Variants in FOXP1 observed in about 807,000 individuals in gnomAD.
FOXP1 encodes forkhead box P1, also known as forkhead box protein P1.
In FOXP1, 15 loss-of-function variants were observed where a neutral mutation model predicts 98.2. The ratio of observed to expected loss-of-function variants is 0.15; its 90% CI spans 0.10 to 0.24. The LOEUF (loss-of-function observed/expected upper bound fraction) is 0.24. Among genes scored for constraint, FOXP1 ranks in the 10% least tolerant of loss-of-function variants. The pLI, the probability that FOXP1 is intolerant of heterozygous loss-of-function variation, is 1.00. For missense variants in FOXP1, 633 were observed against 848.5 expected (o/e 0.75, Z 3.15); for synonymous variants, 371 against 314.5 (o/e 1.18, Z -1.90).
chr3:71,510,710 C>T (rs1305588951), intron 2 of FOXP1, among the ~76,000 whole-genome samples: 2 of 152,174 alleles, frequency 1.3e-5, no homozygotes, highest in Non-Finnish European at 2.9e-5. Flanking sequence ...TCTGTCCAAT[C>T]GAGTCAGCAG....
chr3:70,965,926 C>T lies in FOXP1; in HGVS notation c.1853G>A (p.Ser618Asn). The change falls in exon 20 of 21, where the codon AGT (serine) becomes AAT (asparagine). Residue 618 changes from serine (S) to asparagine (N), a missense_variant. By Grantham distance (46) the Ser-to-Asn change is conservative. Around this residue, in one of 6 missense-constraint regions of FOXP1, gnomAD observed 150 missense variants for 163.7 expected, o/e 0.92. Coordinates refer to ENST00000649528, the MANE Select transcript of FOXP1 (RefSeq NM_001349338.3). The part of the protein sequence containing the change: ...GAMEHTNSNE[S>N]DSSPGRSPMQ... ...AGGAGATCTGCCTGGACTGCTGTCA[C>T]TCTCGTTGCTGTTGGTATGCTCCAT... The T allele has an allele frequency of 1.2e-6, 2 of 1,614,154 alleles. No homozygotes were observed. The highest frequency in any genetic ancestry group is 2.2e-5 in the South Asian group (2 of 91,092).
rs150490846 is a variant in FOXP1 at position 71,006,764 on chromosome 3, C to T, written c.975-5705G>A. On this transcript the variant is annotated intron_variant, in intron 12 of 20. Transcript: ENST00000649528. The stretch of plus-strand genomic sequence containing the variant: ...TGCATCTACAGTGATATAGATGTAC[C>T]GCATGCACATATGCAGTTATATGTA... Among the ~76,000 whole-genome samples, 81 of 152,078 alleles carry T rather than the reference C, an allele frequency of 5.3e-4. 1 individual carries two copies. The East Asian group carries it at 0.013, about 24-fold the overall frequency.
chr3:71,415,271 A>T (rs2083120775), intron 3 of FOXP1, among the ~76,000 whole-genome samples: 1 of 152,228 alleles, frequency 6.6e-6, no homozygotes, highest in Non-Finnish European at 1.5e-5. Flanking sequence ...ATGAAAAAAC[A>T]CTGAGAAATG....
intron 5 of FOXP1, among the ~76,000 whole-genome samples, chr3:71,223,314 C>T (rs1165132923): frequency 2.1e-5 from 1 of 46,516 alleles, no homozygotes; most frequent in African/African-American, 1.0e-4. Context: ...TGCTATTCTC[C>T]TCCTCTTGGA....
intron 4 of FOXP1, among the ~76,000 whole-genome samples, chr3:71,348,554 C>T (rs1209729059): frequency 5.4e-5 from 7 of 129,548 alleles, no homozygotes; most frequent in South Asian, 2.3e-4. Flanking sequence ...TGTGTGCGTG[C>T]GCGCGCGCAC....
At chr3:71,259,850 A>G (rs1423254261) in intron 5 of FOXP1, among the ~76,000 whole-genome samples, 1 of 152,214 alleles carries the variant, frequency 6.6e-6, no homozygotes, top group Admixed American at 6.5e-5. Context: ...GTGAGCCCAG[A>G]TTAAGCTCCA....
intron 9 of FOXP1, among the ~76,000 whole-genome samples, chr3:71,051,401 C>T (rs571215900): frequency 3.3e-5 from 5 of 152,212 alleles, no homozygotes; most frequent in Admixed American, 2.6e-4. Flanking sequence ...ACATGGAAAA[C>T]GTCCCCAATT....
chr3:71,456,127 C>G (rs2087467016), intron 3 of FOXP1, among the ~76,000 whole-genome samples: 2 of 151,996 alleles, frequency 1.3e-5, no homozygotes, highest in South Asian at 4.1e-4. Flanking sequence ...TCAGATGATT[C>G]AAGTATTTGA....
At chr3:71,311,751 C>G (rs533853026) in intron 4 of FOXP1, among the ~76,000 whole-genome samples, 1 of 152,352 alleles carries the variant, frequency 6.6e-6, no homozygotes, top group South Asian at 2.1e-4. Context: ...AACTTGGCAG[C>G]TCTGTGCCCA....
intron 17 of FOXP1, among the ~76,000 whole-genome samples, chr3:70,973,073 C>T (rs74647671): frequency 0.026 from 3,910 of 152,188 alleles, 154 homozygotes; most frequent in African/African-American, 0.087. Flanking sequence ...TTTCAAACCA[C>T]GAAAGAGGAA....
intron 3 of FOXP1, among the ~76,000 whole-genome samples, chr3:71,468,520 G>A (rs1453061887): frequency 2.0e-5 from 3 of 152,086 alleles, no homozygotes; most frequent in Non-Finnish European, 4.4e-5. Context: ...ACAGCCCCTT[G>A]CTTACAATTC....
intron 2 of FOXP1, among the ~76,000 whole-genome samples, chr3:71,496,961 A>AGTGTGTGTGTGTGTGTGTGTGTGTGTGT (rs148821144): frequency 1.1e-4 from 17 of 149,372 alleles, no homozygotes; most frequent in African/African-American, 3.9e-4. Context: ...GGTGTGTGGA[A>AGTGTGTGTGTGTGTGTGTGTGTGTGTGT]GTGTGTGTGT....
chr3:71,198,316 G>T lies in FOXP1; in HGVS notation c.66C>A (p.Gly22=), dbSNP rs1380652302. ...CGCCGCACTCTAGTAAGTGGTTGCT[G>T]CCGCCCGACCCATTCTGGATGGCTG... is the stretch of plus-strand genomic sequence containing the variant. The part of the protein sequence containing the change: ...NGSAIQNGSG[G]SNHLLECGGL... Residue 22 remains glycine (G), a synonymous_variant, in exon 6 of 21, where the codon GGC becomes GGA. Transcript: ENST00000649528. The T allele has an allele frequency of 6.2e-7, 1 of 1,612,616 alleles. No individual in the cohort carries two copies. The highest frequency in any genetic ancestry group is 8.5e-7 in the Non-Finnish European group (1 of 1,179,802).
chr3:71,174,909 A>C (rs979201504), intron 6 of FOXP1, among the ~76,000 whole-genome samples: 1 of 151,116 alleles, frequency 6.6e-6, no homozygotes, highest in African/African-American at 2.4e-5. Context: ...GTTGGAGTAC[A>C]TAAATGTTTT....
At chr3:71,391,630 C>T (rs762813592) in intron 3 of FOXP1, among the ~76,000 whole-genome samples, 3 of 152,200 alleles carry the variant, frequency 2.0e-5, no homozygotes, top group Non-Finnish European at 4.4e-5. Context: ...AAGTTAACTG[C>T]GGAGCGTTAC....
intron 7 of FOXP1, among the ~76,000 whole-genome samples, chr3:71,078,908 C>T (rs901710129): frequency 6.6e-6 from 1 of 152,080 alleles, no homozygotes; most frequent in Non-Finnish European, 1.5e-5. Context: ...CTTTCGTTAC[C>T]TGGATTCTGG....
chr3:71,253,994 G>A (rs1002248168), intron 5 of FOXP1, among the ~76,000 whole-genome samples: 2 of 152,100 alleles, frequency 1.3e-5, no homozygotes, highest in Non-Finnish European at 2.9e-5. Context: ...AAATTTGGAG[G>A]AAAAGACATT....
At chr3:70,964,282 C>T (rs62257215) in intron 20 of FOXP1, among the ~76,000 whole-genome samples, 192 of 152,302 alleles carry the variant, frequency 1.3e-3, no homozygotes, top group Middle Eastern at 3.4e-3. Flanking sequence ...TTGGGTAATA[C>T]TGGGGTTAAT....
At chr3:71,396,454 C>G (rs755058481) in intron 3 of FOXP1, among the ~76,000 whole-genome samples, 2 of 152,006 alleles carry the variant, frequency 1.3e-5, no homozygotes, top group African/African-American at 2.4e-5. Context: ...AGTAACTGAC[C>G]CAGTTGCAGA....
Sources: allele counts gnomAD v4.1 joint callset (sites outside exome capture counted in the v4.1 genomes callset), GRCh38; gene constraint gnomAD v4.1.1; regional missense constraint gnomAD v4.1.1; transcripts MANE v1.5; gene names NCBI Gene and HGNC (gene_info 2026-07-23, HGNC 2026-07-21).